OPCML: variants seen among roughly 807,000 people sequenced by gnomAD.
OPCML encodes opioid binding protein/cell adhesion molecule like.
OPCML carries 13 observed loss-of-function variants against 37.8 expected under a neutral mutation model. That is an observed-to-expected ratio of 0.34 (90% confidence interval 0.22 to 0.55). OPCML has a LOEUF of 0.55. OPCML is among the 20% of genes least tolerant of loss of function. The pLI, the probability that OPCML is intolerant of heterozygous loss-of-function variation, is 0.91. For synonymous variants in OPCML, 176 were observed against 168.8 expected (o/e 1.04, Z -0.33); for missense variants, 341 against 435.6 (o/e 0.78, Z 1.93).
At chr11:132,437,678 AG>A (rs1353973431) in intron 4 of OPCML, among the ~76,000 whole-genome samples, 2 of 152,216 alleles carry the variant, frequency 1.3e-5, no homozygotes, top group Non-Finnish European at 2.9e-5. Flanking sequence ...TAAATACTTC[AG>A]TGCATTGCCA....
At chr11:133,007,591 A>G (rs1014184543) in intron 1 of OPCML, 2 of 985,310 alleles carry the variant, frequency 2.0e-6, no homozygotes, top group Admixed American at 6.2e-5. Context: ...AAACTCTAGA[A>G]TTGCTTGTAG....
At chr11:133,274,128 C>G (rs912927558) in intron 1 of OPCML, among the ~76,000 whole-genome samples, 1 of 152,170 alleles carries the variant, frequency 6.6e-6, no homozygotes, top group Non-Finnish European at 1.5e-5. Context: ...CAGCCAAAGT[C>G]TTAACTGGTG....
chr11:133,352,828 T>C (rs957708582), intron 1 of OPCML, among the ~76,000 whole-genome samples: 2 of 152,200 alleles, frequency 1.3e-5, no homozygotes, highest in African/African-American at 4.8e-5. Flanking sequence ...CACTGAAGCA[T>C]TAGACTTGGA....
intron 1 of OPCML, among the ~76,000 whole-genome samples, chr11:133,488,486 G>T (rs912269033): frequency 6.6e-6 from 1 of 151,984 alleles, no homozygotes; most frequent in Non-Finnish European, 1.5e-5. Flanking sequence ...GCTAAATCAA[G>T]AATGCAACCC....
intron 1 of OPCML, among the ~76,000 whole-genome samples, chr11:133,463,364 T>A (rs1472354230): frequency 6.6e-6 from 1 of 152,140 alleles, no homozygotes; most frequent in Non-Finnish European, 1.5e-5. Context: ...TTGATGCCAC[T>A]GAAGTGTACA....
chr11:132,852,375 G>C (rs529915217), intron 2 of OPCML, among the ~76,000 whole-genome samples: 2 of 152,130 alleles, frequency 1.3e-5, no homozygotes, highest in Admixed American at 1.3e-4. Context: ...CTATACCAGC[G>C]GTTTTCAAAG....
intron 1 of OPCML, among the ~76,000 whole-genome samples, chr11:133,440,732 A>G (rs866181875): frequency 0.11 from 10,812 of 101,312 alleles, 1,413 homozygotes; most frequent in African/African-American, 0.38. Flanking sequence ...CTCTCAGGGA[A>G]AAAAAAAAAA....
At chr11:133,166,989 T>C (rs572426434) in intron 1 of OPCML, among the ~76,000 whole-genome samples, 13 of 152,122 alleles carry the variant, frequency 8.5e-5, no homozygotes, top group Admixed American at 2.6e-4. Flanking sequence ...GTCCTCCCAT[T>C]ATCAGTCTAG....
At chr11:133,328,566 C>T (rs1943536032) in intron 1 of OPCML, among the ~76,000 whole-genome samples, 1 of 152,172 alleles carries the variant, frequency 6.6e-6, no homozygotes, top group African/African-American at 2.4e-5. Flanking sequence ...GAAAAGCATA[C>T]AGCAGTTACC....
intron 1 of OPCML, chr11:133,418,337 T>C (rs1211053982): frequency 2.0e-6 from 2 of 985,278 alleles, no homozygotes; most frequent in Admixed American, 6.2e-5. Context: ...TTTGATGATG[T>C]CTGCATTCAA....
chr11:133,167,397 G>A (rs1431774), intron 1 of OPCML, among the ~76,000 whole-genome samples: 60,216 of 151,852 alleles, frequency 0.4, 12,753 homozygotes, highest in South Asian at 0.54. Flanking sequence ...TTTTCTTGCC[G>A]AACTCCATTG....
intron 1 of OPCML, among the ~76,000 whole-genome samples, chr11:133,201,006 A>T (rs1938759470): frequency 6.6e-6 from 1 of 152,242 alleles, no homozygotes; most frequent in Non-Finnish European, 1.5e-5. Context: ...GGAGGCCATT[A>T]TCCCAAGCAA....
At chr11:132,761,667 A>G (rs1399899528) in intron 2 of OPCML, among the ~76,000 whole-genome samples, 2 of 152,026 alleles carry the variant, frequency 1.3e-5, no homozygotes, top group South Asian at 2.1e-4. Flanking sequence ...CACATCATTT[A>G]TCTTCTTCTC....
At chr11:132,676,586 G>T (rs1382580353) in intron 2 of OPCML, among the ~76,000 whole-genome samples, 2 of 151,142 alleles carry the variant, frequency 1.3e-5, no homozygotes, top group Non-Finnish European at 3.0e-5. Flanking sequence ...TACAACTCAA[G>T]AACAACAAAA....
chr11:132,826,944 G>A (rs1381960779), intron 2 of OPCML, among the ~76,000 whole-genome samples: 1 of 152,166 alleles, frequency 6.6e-6, no homozygotes, highest in Admixed American at 6.5e-5. Flanking sequence ...AAAGGGAAGA[G>A]AAGGGGGAGA....
At position 132,880,263 on chromosome 11, in the gene OPCML, C is replaced by T. The variant is rs150716241; in HGVS notation, c.146+62663G>A. On this transcript the variant is annotated intron_variant, in intron 2 of 7. Coordinates refer to ENST00000524381, the MANE Select transcript of OPCML (RefSeq NM_001012393.5). ...TAATTAAAATCTACACACTCACAAA[C>T]GTCTGCCATGCTGACAAACCACCAC... is the stretch of plus-strand genomic sequence containing the variant. 3.1e-3 allele frequency among the ~76,000 whole-genome samples: 468 copies of T among 152,180 alleles called. 1 individual carries two copies. Among genetic ancestry groups the T allele is most frequent in the African/African-American group, 0.01 (432 of 41,506 alleles).
intron 2 of OPCML, among the ~76,000 whole-genome samples, chr11:132,723,475 G>A (rs1007081862): frequency 6.6e-6 from 1 of 152,036 alleles, no homozygotes; most frequent in African/African-American, 2.4e-5. Context: ...GAGGGTGACT[G>A]TAAAAAATAG....
chr11:133,157,776 G>C (rs951025203), intron 1 of OPCML, among the ~76,000 whole-genome samples: 2 of 152,132 alleles, frequency 1.3e-5, no homozygotes, highest in Non-Finnish European at 2.9e-5. Context: ...TCCAATTTTG[G>C]TGTGTCCACC....
At chr11:132,611,778 G>A (rs1299251178) in intron 3 of OPCML, among the ~76,000 whole-genome samples, 3 of 152,158 alleles carry the variant, frequency 2.0e-5, no homozygotes, top group Non-Finnish European at 2.9e-5. Flanking sequence ...AAGAAAGTCA[G>A]TAATTTAATT....
Sources: allele counts gnomAD v4.1 joint callset (sites outside exome capture counted in the v4.1 genomes callset), GRCh38; gene constraint gnomAD v4.1.1; transcripts MANE v1.5; gene names NCBI Gene and HGNC (gene_info 2026-07-23, HGNC 2026-07-21).